The following SLC2A2 variants were observed in gnomAD, a reference collection of about 807,000 sequenced individuals.
SLC2A2 encodes the protein solute carrier family 2, facilitated glucose transporter member 2.
A neutral mutation model predicts 54.5 loss-of-function variants in SLC2A2; 36 were observed. The observed-to-expected ratio is 0.66, with a 90% confidence interval of 0.51 to 0.87. The LOEUF is 0.87. Among genes scored for constraint, SLC2A2 ranks in the 40% least tolerant of loss-of-function variants. The pLI, the probability that SLC2A2 is intolerant of heterozygous loss-of-function variation, is 0.00. For synonymous variants in SLC2A2, 223 were observed against 219.1 expected, an observed-to-expected ratio of 1.02 and a Z score of -0.16; for missense variants, 543 against 624.3, an observed-to-expected ratio of 0.87 and a Z score of 1.39.
chr3:171,022,182 G>A (rs148367185), intron 1 of SLC2A2, among the ~76,000 whole-genome samples: 64 of 152,282 alleles, frequency 4.2e-4, no homozygotes, highest in African/African-American at 1.3e-3. Context: ...ACATCTCACA[G>A]TTAGTAAATT....
Position 171,026,524 on chromosome 3 carries a change from CAAAGT to C in SLC2A2, c.15+127_15+131del, listed in dbSNP as rs891862119. The C allele has an allele frequency of 4.9e-6, 4 of 808,370 alleles. No individual in the cohort carries two copies. In the African/African-American group the frequency reaches 5.0e-5, roughly 10 times the overall value. 50.1% of individuals were successfully genotyped at this position (808,370 alleles called of 1,614,324 possible). A position where few individuals can be genotyped will look rare whatever the true frequency, so the allele number is the denominator to read the frequency against. On this transcript the variant is annotated intron_variant, in intron 1 of 10. Coordinates refer to ENST00000314251, the MANE Select transcript of SLC2A2 (RefSeq NM_000340.2). ...GAATAAGAAACAGTTCTTCAATTGGCAAAGTAAAGAGAATTAATTTTGATCTGTGG... is the reference window on the plus strand; with the variant it reads ...GAATAAGAAACAGTTCTTCAATTGGCAAAGAGAATTAATTTTGATCTGTGG...
chr3:171,020,267 GA>G (rs1413302923), intron 1 of SLC2A2, among the ~76,000 whole-genome samples: 1 of 152,072 alleles, frequency 6.6e-6, no homozygotes, highest in Admixed American at 6.6e-5. Flanking sequence ...ACCATCCTGG[GA>G]GCCCTTGAAA....
intron 6 of SLC2A2, 146 bp downstream of exon 6, chr3:171,005,797 T>A (rs1355623255): frequency 5.0e-6 from 4 of 792,330 alleles, no homozygotes; most frequent in Non-Finnish European, 8.5e-6. Context: ...TGCCTATGGG[T>A]GCCAAATGAC....
rs13306759 is a variant in SLC2A2 at position 171,009,840 on chromosome 3, T to A, written c.496+118A>T. Reference sequence around the variant, plus strand: ...TATGCTATTGCCTTTCCCTCTGTGATGTCACCCTAGACTCAAAAATATCCC... The same window carrying A: ...TATGCTATTGCCTTTCCCTCTGTGAAGTCACCCTAGACTCAAAAATATCCC... On this transcript the variant is annotated intron_variant, in intron 4 of 10. Transcript: ENST00000314251. The A allele has an allele frequency of 8.6e-6, 12 of 1,400,464 alleles. No homozygotes were observed. The East Asian group carries it at 3.1e-4, about 36-fold the overall frequency. The allele number at this position is 1,400,464 out of a possible 1,614,324, so 86.8% of individuals were successfully genotyped here.
At chr3:170,998,797 C>T (rs1039356055) in intron 9 of SLC2A2, among the ~76,000 whole-genome samples, 1 of 152,140 alleles carries the variant, frequency 6.6e-6, no homozygotes, top group Non-Finnish European at 1.5e-5. Flanking sequence ...ACCCAGTTGG[C>T]GGTGAATCCA....
chr3:171,019,119 A>G (rs1414290291), intron 1 of SLC2A2, among the ~76,000 whole-genome samples: 7 of 5,504 alleles, frequency 1.3e-3, no homozygotes, highest in African/African-American at 8.7e-3. Flanking sequence ...ATATATATAT[A>G]TATACGTATG....
chr3:171,000,781 A>T (rs2108236402), intron 8 of SLC2A2, among the ~76,000 whole-genome samples: 1 of 152,216 alleles, frequency 6.6e-6, no homozygotes, highest in East Asian at 1.9e-4. Flanking sequence ...TTGGTGAAAC[A>T]TTAATATATT....
At chr3:171,019,097 G>GTATATATATATGTGTGTGTGTGTGTA in intron 1 of SLC2A2, among the ~76,000 whole-genome samples, 1 of 20,168 alleles carries the variant, frequency 5.0e-5, no homozygotes, top group East Asian at 2.6e-3. Flanking sequence ...GTGTGTGTGT[G>GTATATATATATGTGTGTGTGTGTGTA]TATATATATA....
chr3:171,004,825 A>G (rs1438102119), intron 7 of SLC2A2, among the ~76,000 whole-genome samples: 1 of 151,922 alleles, frequency 6.6e-6, no homozygotes, highest in Non-Finnish European at 1.5e-5. Flanking sequence ...CCTCAAATGG[A>G]GTGAAAATTT....
At chr3:171,011,503 A>G (rs1398435968) in intron 3 of SLC2A2, among the ~76,000 whole-genome samples, 9 of 152,160 alleles carry the variant, frequency 5.9e-5, no homozygotes, top group Non-Finnish European at 1.3e-4. Context: ...AACCAGCCTT[A>G]TTGGCATTTT....
intron 2 of SLC2A2, among the ~76,000 whole-genome samples, chr3:171,017,449 G>A (rs1275576238): frequency 2.6e-5 from 4 of 152,108 alleles, no homozygotes; most frequent in Non-Finnish European, 4.4e-5. Flanking sequence ...TATGGTCAGC[G>A]CATATTTCAC....
At chr3:171,010,159 GA>G in intron 3 of SLC2A2, 77 bp from the exon 4 acceptor site, 4 of 1,464,954 alleles carry the variant, frequency 2.7e-6, no homozygotes, top group Non-Finnish European at 3.8e-6. Flanking sequence ...AGCATGTTGA[GA>G]TTTTTTTTAA....
chr3:170,999,827 G>A (rs1715265476), intron 8 of SLC2A2, among the ~76,000 whole-genome samples: 1 of 152,048 alleles, frequency 6.6e-6, no homozygotes, highest in Non-Finnish European at 1.5e-5. Context: ...TTAAAGCAAA[G>A]GGTTAAAATG....
chr3:171,016,852 C>CT (rs201071901), intron 2 of SLC2A2, among the ~76,000 whole-genome samples: 3,299 of 114,314 alleles, frequency 0.029, 88 homozygotes, highest in African/African-American at 0.095. Context: ...TTAATTTTTT[C>CT]TTTTTTTTTT....
intron 3 of SLC2A2, among the ~76,000 whole-genome samples, chr3:171,013,824 C>T (rs924134959): frequency 1.3e-5 from 2 of 152,178 alleles, no homozygotes; most frequent in Admixed American, 1.3e-4. Context: ...TAGTCCATTG[C>T]ATGAATAAGT....
chr3:171,015,237 G>A (rs1380564114), intron 2 of SLC2A2, among the ~76,000 whole-genome samples: 2 of 152,170 alleles, frequency 1.3e-5, no homozygotes, highest in African/African-American at 2.4e-5. Flanking sequence ...GGGAGGCCGA[G>A]GTGGGCGGAC....
At chr3:171,019,475 T>C (rs1272010395) in intron 1 of SLC2A2, among the ~76,000 whole-genome samples, 1 of 152,212 alleles carries the variant, frequency 6.6e-6, no homozygotes, top group East Asian at 1.9e-4. Context: ...AATGAAACTG[T>C]GTAGAAAAGG....
chr3:171,007,863 G>C lies in SLC2A2; in HGVS notation c.497-600C>G, dbSNP rs117831075. ...GACTCTTCCCCAGTTAGAAACCAGG[G>C]AAACCCAGCTTCTTTATTCTATTCA... On this transcript the variant is annotated intron_variant, in intron 4 of 10. Coordinates refer to ENST00000314251, the MANE Select transcript of SLC2A2 (RefSeq NM_000340.2). Among the ~76,000 whole-genome samples, 176 of 152,152 alleles carry C rather than the reference G, an allele frequency of 1.2e-3. 6 individuals are homozygous for C. The East Asian group carries it at 0.032, about 28-fold the overall frequency.
intron 4 of SLC2A2, among the ~76,000 whole-genome samples, chr3:171,008,787 G>C (rs187618311): frequency 6.6e-6 from 1 of 152,132 alleles, no homozygotes; most frequent in Admixed American, 6.6e-5. Flanking sequence ...GACAGTGCCA[G>C]AATTTATTTG....
Sources: allele counts gnomAD v4.1 joint callset (sites outside exome capture counted in the v4.1 genomes callset), GRCh38; gene constraint gnomAD v4.1.1; transcripts MANE v1.5; gene names NCBI Gene and HGNC (gene_info 2026-07-23, HGNC 2026-07-21).